The following SRBD1 variants were observed in gnomAD, a reference collection of about 807,000 sequenced individuals.
SRBD1 encodes the protein S1 RNA binding domain 1.
A neutral mutation model predicts 115.3 loss-of-function variants in SRBD1; 88 were observed. The ratio of observed to expected loss-of-function variants is 0.76; its 90% CI spans 0.64 to 0.91. The LOEUF is 0.91. SRBD1 is among the 40% of genes least tolerant of loss of function. SRBD1 has a pLI of 0.00. For synonymous variants in SRBD1, 509 were observed against 407.7 expected (o/e 1.25, Z -2.99); for missense variants, 1,385 against 1,177.4 (o/e 1.18, Z -2.58).
At chr2:45,507,057 T>A (rs1044451322) in intron 14 of SRBD1, among the ~76,000 whole-genome samples, 9 of 152,160 alleles carry the variant, frequency 5.9e-5, no homozygotes, top group African/African-American at 1.9e-4. Flanking sequence ...ATGTTTGGCG[T>A]ATAGTAAAGA....
intron 16 of SRBD1, among the ~76,000 whole-genome samples, chr2:45,431,496 G>T (rs1668334955): frequency 6.6e-6 from 1 of 152,142 alleles, no homozygotes; most frequent in Non-Finnish European, 1.5e-5. Context: ...GAAGCTGGAA[G>T]CCATCATTCT....
chr2:45,498,906 C>T (rs1670543326), intron 14 of SRBD1, among the ~76,000 whole-genome samples: 1 of 152,132 alleles, frequency 6.6e-6, no homozygotes, highest in Admixed American at 6.5e-5. Flanking sequence ...CTGACAGACA[C>T]TTAGATTGAT....
intron 16 of SRBD1, among the ~76,000 whole-genome samples, chr2:45,467,148 A>G (rs900557700): frequency 6.6e-5 from 10 of 152,198 alleles, no homozygotes; most frequent in African/African-American, 2.4e-4. Flanking sequence ...TTTCTAGCAT[A>G]TTGTCAGATG....
chr2:45,568,685 T>C (rs1414929143), intron 9 of SRBD1, among the ~76,000 whole-genome samples: 1 of 152,142 alleles, frequency 6.6e-6, no homozygotes, highest in Non-Finnish European at 1.5e-5. Context: ...ATAAAATATT[T>C]TCAAGCAGAA....
At chr2:45,608,631 T>C (rs1339030632) in intron 1 of SRBD1, among the ~76,000 whole-genome samples, 2 of 150,908 alleles carry the variant, frequency 1.3e-5, no homozygotes. Context: ...AAACCGTGCC[T>C]TTAACATTCA....
intron 1 of SRBD1, among the ~76,000 whole-genome samples, chr2:45,610,468 A>G (rs926434161): frequency 2.6e-5 from 4 of 152,220 alleles, no homozygotes; most frequent in African/African-American, 9.7e-5. Context: ...CTGAGACCCA[A>G]TGAGGTGAAA....
intron 11 of SRBD1, among the ~76,000 whole-genome samples, chr2:45,551,568 T>A (rs1488876555): frequency 6.6e-5 from 10 of 152,178 alleles, no homozygotes; most frequent in Admixed American, 5.9e-4. Context: ...TATGTGTATA[T>A]GTGAGAAAGA....
intron 5 of SRBD1, among the ~76,000 whole-genome samples, chr2:45,583,791 CTCT>C (rs1673436415): frequency 6.6e-6 from 1 of 152,134 alleles, no homozygotes; most frequent in South Asian, 2.1e-4. Flanking sequence ...AGAAAAAGAT[CTCT>C]TAAGTTCCAG....
intron 10 of SRBD1, 54 bp downstream of exon 10, chr2:45,562,599 T>A: frequency 1.5e-6 from 2 of 1,328,044 alleles, no homozygotes; most frequent in South Asian, 1.3e-5. Context: ...TAGATATCGG[T>A]ATCATATTTT....
intron 18 of SRBD1, among the ~76,000 whole-genome samples, chr2:45,416,077 A>G (rs1291767498): frequency 2.0e-5 from 3 of 152,182 alleles, no homozygotes; most frequent in Non-Finnish European, 4.4e-5. Context: ...AATCTAATAA[A>G]TAGCGTAAAA....
At chr2:45,442,523 T>C (rs1053423193) in intron 16 of SRBD1, among the ~76,000 whole-genome samples, 26 of 152,096 alleles carry the variant, frequency 1.7e-4, no homozygotes, top group Admixed American at 1.4e-3. Context: ...AAAATACAAA[T>C]TGAAGAATTC....
At chr2:45,499,878 T>C (rs747379014) in intron 14 of SRBD1, among the ~76,000 whole-genome samples, 2 of 152,216 alleles carry the variant, frequency 1.3e-5, no homozygotes, top group Non-Finnish European at 2.9e-5. Flanking sequence ...GCCAGTATCA[T>C]GCTGTTTTGG....
At chr2:45,442,385 T>C (rs1053814103) in intron 16 of SRBD1, among the ~76,000 whole-genome samples, 7 of 152,224 alleles carry the variant, frequency 4.6e-5, no homozygotes, top group African/African-American at 1.4e-4. Context: ...ATCTTTTCTT[T>C]AATGTTCATT....
chr2:45,457,779 C>G lies in SRBD1; in HGVS notation c.2049+19214G>C, dbSNP rs1669199057. On this transcript the variant is annotated intron_variant, in intron 16 of 20. Coordinates refer to ENST00000263736, the MANE Select transcript of SRBD1 (RefSeq NM_018079.5). ...TTGGGAGCTGTTGACTTCAAGAGAC[C>G]AAGAAATTTGACACGTGCATTTAAA... 3.3e-5 allele frequency among the ~76,000 whole-genome samples: 5 copies of G among 151,806 alleles called. No homozygotes were observed. In the South Asian group the frequency reaches 1.0e-3, roughly 32 times the overall value.
intron 19 of SRBD1, among the ~76,000 whole-genome samples, chr2:45,399,261 G>C (rs139165239): frequency 6.6e-6 from 1 of 152,116 alleles, no homozygotes; most frequent in African/African-American, 2.4e-5. Context: ...AGCATACTCA[G>C]CTTTATTCAA....
At chr2:45,458,894 A>T (rs1190816660) in intron 16 of SRBD1, among the ~76,000 whole-genome samples, 1 of 151,940 alleles carries the variant, frequency 6.6e-6, no homozygotes, top group East Asian at 1.9e-4. Flanking sequence ...CGTTTTGGCA[A>T]ATATTATATG....
intron 15 of SRBD1, 51 bp downstream of exon 15, chr2:45,488,189 T>C: frequency 4.0e-6 from 6 of 1,511,172 alleles, no homozygotes; most frequent in Non-Finnish European, 5.5e-6. Context: ...CCACACATGC[T>C]GCCCAAAATA....
intron 6 of SRBD1, 97 bp downstream of exon 6, chr2:45,581,596 A>C: frequency 1.2e-6 from 1 of 803,548 alleles, no homozygotes; most frequent in Non-Finnish European, 2.0e-6. Context: ...GTGGCTAATG[A>C]CGTTAGCTTT....
chr2:45,531,716 C>A (rs1460069388), intron 14 of SRBD1, among the ~76,000 whole-genome samples: 3 of 151,802 alleles, frequency 2.0e-5, no homozygotes, highest in Admixed American at 6.6e-5. Context: ...ATATATTAAG[C>A]CTAGAACAGA....
Sources: allele counts gnomAD v4.1 joint callset (sites outside exome capture counted in the v4.1 genomes callset), GRCh38; gene constraint gnomAD v4.1.1; transcripts MANE v1.5; gene names NCBI Gene and HGNC (gene_info 2026-07-23, HGNC 2026-07-21).